The following SLCO3A1 variants were observed in gnomAD, a reference collection of about 807,000 sequenced individuals.
SLCO3A1 encodes solute carrier organic anion transporter family member 3A1.
Under a neutral mutation model 63.1 loss-of-function variants are expected in SLCO3A1, and 27 were observed. That is an observed-to-expected ratio of 0.43 (90% CI 0.32 to 0.59). The LOEUF is 0.59. SLCO3A1 is among the 20% of genes least tolerant of loss of function. SLCO3A1 has a pLI of 0.09. For synonymous variants in SLCO3A1, 473 were observed against 409.9 expected (o/e 1.15, Z -1.86); for missense variants, 773 against 945.8 (o/e 0.82, Z 2.40).
At chr15:92,147,664 C>T (rs1227997393) in intron 8 of SLCO3A1, among the ~76,000 whole-genome samples, 1 of 152,302 alleles carries the variant, frequency 6.6e-6, no homozygotes, top group African/African-American at 2.4e-5. Flanking sequence ...GGTTATTGTG[C>T]AGCAGGGCTC....
chr15:92,044,880 C>T (rs2046841794), intron 2 of SLCO3A1, among the ~76,000 whole-genome samples: 1 of 152,168 alleles, frequency 6.6e-6, no homozygotes, highest in South Asian at 2.1e-4. Context: ...CTCGCAACAC[C>T]TGCTCTGTGG....
At chr15:92,017,103 G>T (rs113513914) in intron 2 of SLCO3A1, among the ~76,000 whole-genome samples, 1 of 152,186 alleles carries the variant, frequency 6.6e-6, no homozygotes, top group Non-Finnish European at 1.5e-5. Flanking sequence ...CATAAAAAGC[G>T]ACTAGATACC....
chr15:91,924,636 G>A (rs558156664), intron 2 of SLCO3A1, among the ~76,000 whole-genome samples: 14 of 152,194 alleles, frequency 9.2e-5, no homozygotes, highest in Non-Finnish European at 1.6e-4. Flanking sequence ...TGGATTTGGA[G>A]GAAGAGGACA....
At chr15:91,964,863 C>T (rs369786677) in intron 2 of SLCO3A1, among the ~76,000 whole-genome samples, 14 of 152,012 alleles carry the variant, frequency 9.2e-5, no homozygotes, top group African/African-American at 2.4e-4. Context: ...GGTCACAGAG[C>T]GTCAGGTGAC....
In SLCO3A1 at chr15:91,886,269, A is replaced by G. The variant is rs1376865785; in HGVS notation, c.181-29724A>G. ...GCTTAGAGGATTGTATCTTTTTCTC[A>G]CCAGCTAACTCTTACTAATTAGAAA... On this transcript the variant is annotated intron_variant, in intron 1 of 9. Transcript: ENST00000318445. The surrounding 1 kb of genome is among the most constrained non-coding windows in gnomAD (Gnocchi z 4.9). Among the ~76,000 whole-genome samples, 1 of 152,172 alleles carries G rather than the reference A, an allele frequency of 6.6e-6. No individual in the cohort carries two copies. Among genetic ancestry groups the G allele is most frequent in the East Asian group, 1.9e-4 (1 of 5,196 alleles).
chr15:91,864,887 C>T (rs909817352), intron 1 of SLCO3A1, among the ~76,000 whole-genome samples: 2 of 152,218 alleles, frequency 1.3e-5, no homozygotes, highest in Non-Finnish European at 2.9e-5. Flanking sequence ...CTACCTCCCT[C>T]CACTGGCCCC....
At chr15:92,088,318 C>T (rs1431791456) in intron 2 of SLCO3A1, among the ~76,000 whole-genome samples, 2 of 152,208 alleles carry the variant, frequency 1.3e-5, no homozygotes, top group African/African-American at 4.8e-5. Flanking sequence ...GTCTCTTGGA[C>T]TGTGCTGCAG....
intron 5 of SLCO3A1, among the ~76,000 whole-genome samples, chr15:92,125,597 C>T (rs1321787986): frequency 6.6e-6 from 1 of 152,018 alleles, no homozygotes; most frequent in Non-Finnish European, 1.5e-5. Flanking sequence ...TTCCGTGAAA[C>T]CCTCCCTTCT....
intron 2 of SLCO3A1, among the ~76,000 whole-genome samples, chr15:91,979,477 C>T (rs1901251154): frequency 6.6e-6 from 1 of 152,162 alleles, no homozygotes; most frequent in African/African-American, 2.4e-5. Context: ...GGATGCTCAA[C>T]CTGTATAAAT....
At chr15:91,960,946 G>C (rs909933669) in intron 2 of SLCO3A1, among the ~76,000 whole-genome samples, 1 of 152,164 alleles carries the variant, frequency 6.6e-6, no homozygotes, top group African/African-American at 2.4e-5. Context: ...TTTTGGATTA[G>C]AAATGCTCCA....
In SLCO3A1 at chr15:92,048,634, C is replaced by T. The variant is rs192922236; in HGVS notation, c.647-46247C>T. Among the ~76,000 whole-genome samples the T allele has an allele frequency of 1.3e-3, 197 of 152,268 alleles. 1 individual carries two copies. The highest frequency in any genetic ancestry group is 2.5e-3 in the Non-Finnish European group (171 of 68,032). ...TGCTGGGGAGGTAACCCGTCCTCTCCCTGCATTAGGAACCACTGCTTTGGG... is the reference window on the plus strand; with the variant it reads ...TGCTGGGGAGGTAACCCGTCCTCTCTCTGCATTAGGAACCACTGCTTTGGG... On this transcript the variant is annotated intron_variant, in intron 2 of 9. Coordinates refer to ENST00000318445, the MANE Select transcript of SLCO3A1 (RefSeq NM_013272.4).
At chr15:92,016,371 C>T (rs1001958099) in intron 2 of SLCO3A1, among the ~76,000 whole-genome samples, 4 of 151,972 alleles carry the variant, frequency 2.6e-5, no homozygotes, top group Non-Finnish European at 4.4e-5. Context: ...CACTGTGTTT[C>T]CTAGGTTGGT....
At chr15:92,004,754 C>T (rs1001351538) in intron 2 of SLCO3A1, among the ~76,000 whole-genome samples, 1 of 152,180 alleles carries the variant, frequency 6.6e-6, no homozygotes, top group Non-Finnish European at 1.5e-5. Flanking sequence ...TCCCAATTGT[C>T]CCTCAAATGC....
At chr15:91,903,769 A>G (rs1239627477) in intron 1 of SLCO3A1, among the ~76,000 whole-genome samples, 2 of 152,192 alleles carry the variant, frequency 1.3e-5, no homozygotes, top group Admixed American at 6.5e-5. Context: ...GTAGCCATAG[A>G]TGTGAAATCT....
In SLCO3A1 at chr15:91,962,717, C is replaced by G. The variant is rs112194319; in HGVS notation, c.646+46259C>G. Among the ~76,000 whole-genome samples, 1,170 of 151,976 alleles carry G rather than the reference C, an allele frequency of 7.7e-3. 20 individuals are homozygous for G. Among genetic ancestry groups the G allele is most frequent in the African/African-American group, 0.027 (1,105 of 41,438 alleles). On this transcript the variant is annotated intron_variant, in intron 2 of 9. Transcript: ENST00000318445. ...GGTGATCTCAGGCTGTCCAGTGCAC[C>G]CCATCCCCAGCAGCACACCAGATGC...
intron 2 of SLCO3A1, among the ~76,000 whole-genome samples, chr15:91,965,344 A>C (rs887670395): frequency 3.3e-5 from 5 of 152,164 alleles, no homozygotes; most frequent in African/African-American, 9.7e-5. Flanking sequence ...AATGATTTAG[A>C]GGCCTGAGAT....
chr15:91,977,603 G>A (rs1284161709), intron 2 of SLCO3A1, among the ~76,000 whole-genome samples: 1 of 152,110 alleles, frequency 6.6e-6, no homozygotes, highest in East Asian at 1.9e-4. Context: ...TTTGGCAACT[G>A]GAGTGTGGGG....
intron 2 of SLCO3A1, among the ~76,000 whole-genome samples, chr15:92,028,343 C>A (rs1044690316): frequency 2.6e-5 from 4 of 152,202 alleles, no homozygotes; most frequent in Non-Finnish European, 5.9e-5. Context: ...ATCTGCCCCC[C>A]ACCCTGGCCT....
chr15:92,133,946 C>T (rs544772570), intron 7 of SLCO3A1, among the ~76,000 whole-genome samples: 3 of 152,272 alleles, frequency 2.0e-5, no homozygotes, highest in Admixed American at 6.5e-5. Context: ...AAGCATGTTG[C>T]AGCACAGGAA....
Sources: allele counts gnomAD v4.1 joint callset (sites outside exome capture counted in the v4.1 genomes callset), GRCh38; gene constraint gnomAD v4.1.1; non-coding constraint Gnocchi (gnomAD v3.1); transcripts MANE v1.5; gene names NCBI Gene and HGNC (gene_info 2026-07-23, HGNC 2026-07-21).